Variants in RTL4 observed in about 807,000 individuals in gnomAD.
RTL4 encodes the protein retrotransposon Gag-like protein 4.
In RTL4, 4 loss-of-function variants were observed where a neutral mutation model predicts 5.3. That is an observed-to-expected ratio of 0.75 (90% CI 0.37 to 1.72). The LOEUF is 1.72. Among genes scored for constraint, RTL4 ranks in the 40% most tolerant of loss-of-function variants. The probability of loss-of-function intolerance (pLI) is 0.04; values close to 1 mark genes in which losing one functional copy is unlikely to be tolerated. For missense variants in RTL4, 260 were observed against 227.1 expected, an observed-to-expected ratio of 1.14 and a Z score of -0.93; for synonymous variants, 98 against 87.3, an observed-to-expected ratio of 1.12 and a Z score of -0.68.
the RTL4 span, among the ~76,000 whole-genome samples, chrX:112,313,143 T>A: frequency 1.8e-5 from 2 of 111,647 alleles, no homozygotes; most frequent in Non-Finnish European, 3.8e-5. Context: ...ATATGGTTGT[T>A]CAGGCTAGAA....
At chrX:112,334,744 C>T in the RTL4 span, among the ~76,000 whole-genome samples, 1 of 111,428 alleles carries the variant, frequency 9.0e-6, no homozygotes, top group Non-Finnish European at 1.9e-5. Flanking sequence ...TTTCTCATGT[C>T]TTATGTCTTT....
the RTL4 span, among the ~76,000 whole-genome samples, chrX:112,349,358 C>T: frequency 1.8e-5 from 2 of 110,510 alleles, no homozygotes; most frequent in Non-Finnish European, 1.9e-5. Flanking sequence ...AGCATAAAGC[C>T]TTTTTTTTCT....
the RTL4 span, among the ~76,000 whole-genome samples, chrX:112,294,223 T>G: frequency 8.9e-6 from 1 of 112,051 alleles, no homozygotes; most frequent in Admixed American, 9.5e-5. Context: ...TCAACAGCCT[T>G]GGGATCCACA....
At chrX:112,419,595 T>TATATATATATATATATATATATATATA in the RTL4 span, among the ~76,000 whole-genome samples, 38 of 28,103 alleles carry the variant, frequency 1.4e-3, no homozygotes, top group Middle Eastern at 0.021. Flanking sequence ...ATATATATAT[T>TATATATATATATATATATATATATATA]TTTACATATG....
chrX:112,253,755 T>C, the RTL4 span, among the ~76,000 whole-genome samples: 5 of 112,451 alleles, frequency 4.4e-5, no homozygotes, highest in Non-Finnish European at 9.4e-5. Context: ...GCCTCAATCT[T>C]AGCCCCTGTT....
At chrX:112,280,639 C>G in the RTL4 span, among the ~76,000 whole-genome samples, 3,336 of 109,613 alleles carry the variant, frequency 0.03, 137 homozygotes, top group African/African-American at 0.1. Flanking sequence ...AAAGCATGCA[C>G]CACCATACCT....
chrX:112,086,439 T>G, the RTL4 span, among the ~76,000 whole-genome samples: 1 of 111,676 alleles, frequency 9.0e-6, no homozygotes, highest in Non-Finnish European at 1.9e-5. Context: ...TACTGTGGAG[T>G]GTTGAAAAAA....
upstream of RTL4, among the ~76,000 whole-genome samples, chrX:112,454,159 C>T (rs1445478146): frequency 2.7e-5 from 3 of 111,945 alleles, no homozygotes; most frequent in African/African-American, 9.8e-5. Context: ...CCATGGGCCA[C>T]ATTGGAAGAA....
chrX:112,122,080 A>G, the RTL4 span, among the ~76,000 whole-genome samples: 1 of 111,565 alleles, frequency 9.0e-6, no homozygotes, highest in Non-Finnish European at 1.9e-5. Flanking sequence ...CTTCTATCCA[A>G]TAGTTTATAG....
the RTL4 span, among the ~76,000 whole-genome samples, chrX:112,397,348 G>A: frequency 1.8e-5 from 2 of 111,323 alleles, no homozygotes; most frequent in Admixed American, 1.9e-4. Context: ...GTTTTTATTT[G>A]TTCTTTATTT....
the RTL4 span, among the ~76,000 whole-genome samples, chrX:112,288,150 C>T: frequency 0.022 from 2,438 of 111,888 alleles, 68 homozygotes; most frequent in African/African-American, 0.073. Flanking sequence ...TATGGAGTTA[C>T]GATGACTTAT....
At chrX:112,160,987 C>T in the RTL4 span, among the ~76,000 whole-genome samples, 1 of 110,630 alleles carries the variant, frequency 9.0e-6, no homozygotes, top group Non-Finnish European at 1.9e-5. Flanking sequence ...CTCCCCCAGC[C>T]CCAAGCAGGG....
chrX:112,422,986 A>G, the RTL4 span, among the ~76,000 whole-genome samples: 1 of 110,895 alleles, frequency 9.0e-6, no homozygotes, highest in East Asian at 2.8e-4. Context: ...ATTTTATTCT[A>G]TGTCACTGTT....
chrX:112,246,525 C>A, the RTL4 span, among the ~76,000 whole-genome samples: 1 of 112,192 alleles, frequency 8.9e-6, no homozygotes, highest in African/African-American at 3.2e-5. Context: ...CCCGCTGAGC[C>A]AGGCATGGGA....
the RTL4 span, among the ~76,000 whole-genome samples, chrX:112,083,343 G>C: frequency 6.2e-5 from 7 of 112,606 alleles, no homozygotes; most frequent in African/African-American, 2.3e-4. Flanking sequence ...GCTCTGGGCC[G>C]GTGGTGGCGA....
At chrX:112,093,498 A>G in the RTL4 span, among the ~76,000 whole-genome samples, 1 of 111,303 alleles carries the variant, frequency 9.0e-6, no homozygotes, top group Non-Finnish European at 1.9e-5. Flanking sequence ...CTCTTTAATC[A>G]TCTTTCAAGA....
chrX:112,327,054 G>GA, the RTL4 span, among the ~76,000 whole-genome samples: 6 of 112,028 alleles, frequency 5.4e-5, no homozygotes, highest in East Asian at 1.7e-3. Context: ...CAAAGATGGG[G>GA]AAAAAACAGA....
At chrX:112,196,610 T>G in the RTL4 span, among the ~76,000 whole-genome samples, 1 of 111,917 alleles carries the variant, frequency 8.9e-6, no homozygotes, top group African/African-American at 3.2e-5. Context: ...CAGCAATGTA[T>G]GAGTACAGTT....
the RTL4 span, among the ~76,000 whole-genome samples, chrX:112,088,428 GATATA>G: frequency 9.0e-6 from 1 of 111,548 alleles, no homozygotes; most frequent in African/African-American, 3.3e-5. Context: ...CCATTGTATA[GATATA>G]ATATATTTCA....
Sources: allele counts gnomAD v4.1 joint callset (sites outside exome capture counted in the v4.1 genomes callset), GRCh38; gene constraint gnomAD v4.1.1; transcripts MANE v1.5; gene names NCBI Gene and HGNC (gene_info 2026-07-23, HGNC 2026-07-21).